IGSF5: variants seen among roughly 807,000 people sequenced by gnomAD.
IGSF5 encodes immunoglobulin superfamily 5 like.
IGSF5 carries 41 observed loss-of-function variants against 39.4 expected under a neutral mutation model. The observed-to-expected ratio is 1.04, with a 90% CI of 0.81 to 1.35. The LOEUF is 1.35. IGSF5 is among the 40% of genes most tolerant of loss of function. The pLI is 0.00. For synonymous variants in IGSF5, 183 were observed against 175.3 expected, an observed-to-expected ratio of 1.04 and a Z score of -0.34; for missense variants, 487 against 494.6, an observed-to-expected ratio of 0.98 and a Z score of 0.15.
At chr21:39,768,172 T>C (rs950565116) in intron 3 of IGSF5, among the ~76,000 whole-genome samples, 2 of 152,190 alleles carry the variant, frequency 1.3e-5, no homozygotes, top group Non-Finnish European at 2.9e-5. Flanking sequence ...GAGGAACCCA[T>C]AGAGCTTGGC....
Position 39,771,268 on chromosome 21 carries a change from A to C in IGSF5, c.718+53A>C, listed in dbSNP as rs180987278. 44 of 1,438,730 alleles carry C rather than the reference A, an allele frequency of 3.1e-5. 1 individual carries two copies. The South Asian group carries it at 5.2e-4, about 17-fold the overall frequency. The allele number at this position is 1,438,730 out of a possible 1,614,324, so 89.1% of individuals were successfully genotyped here. ...AAATGAATGATTATTTCATGCTTCA[A>C]TATTACGTAGAATGCTCCTTCATCC... On this transcript the variant is annotated intron_variant, in intron 4 of 8. Coordinates refer to ENST00000380588, the MANE Select transcript of IGSF5 (RefSeq NM_001080444.2).
At chr21:39,735,353 T>A in the IGSF5 span, among the ~76,000 whole-genome samples, 7 of 152,204 alleles carry the variant, frequency 4.6e-5, no homozygotes, top group Admixed American at 3.9e-4. Context: ...TCATTAAAAA[T>A]TCATAACGCT....
chr21:39,730,762 C>A, the IGSF5 span: 1 of 152,160 alleles, frequency 6.6e-6, no homozygotes, highest in African/African-American at 2.4e-5. Flanking sequence ...GCAATTTATA[C>A]TTTTCTGTGC....
In IGSF5 at chr21:39,765,661, T is replaced by C; in HGVS notation, c.227T>C (p.Met76Thr). The C allele has an allele frequency of 1.9e-6, 3 of 1,614,118 alleles. No individual in the cohort carries two copies. The highest frequency in any genetic ancestry group is 2.5e-6 in the Non-Finnish European group (3 of 1,179,990). The change falls in exon 3 of 9, where the codon ATG becomes ACG. Residue 76 changes from methionine (M) to threonine (T), a missense_variant. Physicochemically the swap from Met to Thr is moderately conservative, Grantham distance 81. Coordinates refer to ENST00000380588, the MANE Select transcript of IGSF5 (RefSeq NM_001080444.2). ...CTCATCATGTGGGCTCTCAGTGACA[T>C]GGTGGTGCTAAGCGTCAGGCCCATG... is the stretch of plus-strand genomic sequence containing the variant. ...WKLIMWALSDMVVLSVRPMEP... is the reference protein window; with the variant it reads ...WKLIMWALSDTVVLSVRPMEP...
chr21:39,741,139 C>G (rs992265712), upstream of IGSF5, among the ~76,000 whole-genome samples: 1 of 151,760 alleles, frequency 6.6e-6, no homozygotes, highest in Non-Finnish European at 1.5e-5. Flanking sequence ...GAGGAAAAGT[C>G]TTGCCCCGTT....
the IGSF5 span, chr21:39,729,833 C>G: frequency 1.3e-5 from 2 of 152,176 alleles, no homozygotes; most frequent in Admixed American, 6.5e-5. Flanking sequence ...AACCACTGAG[C>G]CTGGTTTCGA....
In IGSF5 at chr21:39,771,129, G is replaced by T; in HGVS notation, c.632G>T (p.Gly211Val). ...SILALTPQSNGTLTCVATWKS... is the reference protein window; with the variant it reads ...SILALTPQSNVTLTCVATWKS... ...CTGGCTCTGACCCCACAGAGCAATG[G>T]GACTTTGACTTGCGTGGCTACCTGG... Residue 211 changes from glycine (G) to valine (V), a missense_variant, in exon 4 of 9, where the codon GGG becomes GTG. By Grantham distance (109) the Gly-to-Val change is moderately radical (BLOSUM62 -3). Coordinates refer to ENST00000380588, the MANE Select transcript of IGSF5 (RefSeq NM_001080444.2). The T allele has an allele frequency of 6.2e-7, 1 of 1,611,586 alleles. No individual in the cohort carries two copies. Among genetic ancestry groups the T allele is most frequent in the Non-Finnish European group, 8.5e-7 (1 of 1,178,780 alleles).
the IGSF5 span, among the ~76,000 whole-genome samples, chr21:39,714,339 G>C: frequency 1.3e-5 from 2 of 152,246 alleles, no homozygotes; most frequent in Non-Finnish European, 2.9e-5. Context: ...TGCATCTACT[G>C]TTTCCCTTGG....
chr21:39,787,786 T>G (rs2086932245), intron 5 of IGSF5, among the ~76,000 whole-genome samples: 1 of 152,098 alleles, frequency 6.6e-6, no homozygotes, highest in Non-Finnish European at 1.5e-5. Flanking sequence ...TGGTAAAAAT[T>G]GAATGAAAAG....
chr21:39,781,894 C>T (rs892181448), intron 5 of IGSF5, among the ~76,000 whole-genome samples: 5 of 152,074 alleles, frequency 3.3e-5, no homozygotes, highest in African/African-American at 1.2e-4. Context: ...CCGATGGCCC[C>T]CTTTATCTGC....
rs2086936655 is a variant in IGSF5 at position 39,788,322 on chromosome 21, G to A, written c.956+134G>A. 4 of 649,098 alleles carry A rather than the reference G, an allele frequency of 6.2e-6. No homozygotes were observed. In the Admixed American group the frequency reaches 1.2e-4, roughly 20 times the overall value. The allele number at this position is 649,098 out of a possible 1,614,324, so 40.2% of individuals were successfully genotyped here. Reference sequence around the variant, plus strand: ...TATCCAGAATTAAGTACCAGAGGTAGACAATGCTGAAAAACACGTATGCCG... The same window carrying A: ...TATCCAGAATTAAGTACCAGAGGTAAACAATGCTGAAAAACACGTATGCCG... On this transcript the variant is annotated intron_variant, in intron 6 of 8. Transcript: ENST00000380588.
At chr21:39,770,830 T>TAAA in intron 3 of IGSF5, 86 bp from the exon 4 acceptor site, 1 of 832,900 alleles carries the variant, frequency 1.2e-6, no homozygotes. Flanking sequence ...AAGCAAAACT[T>TAAA]AAAAAAAAAA....
At chr21:39,714,448 G>A in the IGSF5 span, among the ~76,000 whole-genome samples, 1 of 152,226 alleles carries the variant, frequency 6.6e-6, no homozygotes, top group Admixed American at 6.5e-5. Flanking sequence ...TGCAGAACAA[G>A]GAATCTATAC....
chr21:39,789,851 T>C (rs529195911), intron 6 of IGSF5, among the ~76,000 whole-genome samples: 11 of 152,340 alleles, frequency 7.2e-5, no homozygotes, highest in African/African-American at 2.6e-4. Flanking sequence ...ATTCATAGCT[T>C]GCTCTTTTCA....
chr21:39,751,725 G>C (rs2080006818), intron 2 of IGSF5, among the ~76,000 whole-genome samples: 1 of 152,224 alleles, frequency 6.6e-6, no homozygotes, highest in South Asian at 2.1e-4. Flanking sequence ...ATATTGTGCA[G>C]TGGGGAAGTC....
In IGSF5 at chr21:39,779,039, G is replaced by C. The variant is rs746367692; in HGVS notation, c.719-51G>C. On this transcript the variant is annotated intron_variant, in intron 4 of 8. Transcript: ENST00000380588. ...TGCAACTTATAATGGGGCAGAATCT[G>C]TGATTCTAGGCAGTGCAAGTATCAC... The C allele has an allele frequency of 5.7e-6, 9 of 1,577,810 alleles. No homozygotes were observed. The Admixed American group carries it at 1.6e-4, about 28-fold the overall frequency.
chr21:39,800,032 A>C (rs563527296), intron 8 of IGSF5, among the ~76,000 whole-genome samples: 10 of 152,346 alleles, frequency 6.6e-5, no homozygotes, highest in Middle Eastern at 3.4e-3. Flanking sequence ...GGTGAAACAG[A>C]ATGAATTTGG....
At position 39,770,989 on chromosome 21, in the gene IGSF5, A is replaced by C. The variant is rs144481914; in HGVS notation, c.492A>C (p.Leu164=). The C allele has an allele frequency of 6.2e-6, 10 of 1,613,028 alleles. No homozygotes were observed. The highest frequency in any genetic ancestry group is 7.6e-6 in the Non-Finnish European group (9 of 1,179,658). ...ATGAACCTTGTGAAGTTACTTGTCT[A>C]CCCTCACACTGGACCCGGCTCCCGG... ...AENEPCEVTC[L]PSHWTRLPDI... Residue 164 remains leucine (L), a synonymous_variant, in exon 4 of 9, where the codon CTA becomes CTC. Coordinates refer to ENST00000380588, the MANE Select transcript of IGSF5 (RefSeq NM_001080444.2).
chr21:39,724,638 A>G, the IGSF5 span, among the ~76,000 whole-genome samples: 1 of 152,238 alleles, frequency 6.6e-6, no homozygotes, highest in African/African-American at 2.4e-5. Context: ...ATGAAAGTGT[A>G]AGTCCAACAA....
Sources: allele counts gnomAD v4.1 joint callset (sites outside exome capture counted in the v4.1 genomes callset), GRCh38; gene constraint gnomAD v4.1.1; transcripts MANE v1.5; gene names NCBI Gene and HGNC (gene_info 2026-07-23, HGNC 2026-07-21).